CFAP70: variants seen among roughly 807,000 people sequenced by gnomAD.
CFAP70 encodes the protein cilia and flagella associated protein 70, also known as cilia- and flagella-associated protein 70.
A neutral mutation model predicts 137.6 loss-of-function variants in CFAP70; 81 were observed. That is an observed-to-expected ratio of 0.59 (90% CI 0.49 to 0.71). The LOEUF is 0.71. Among genes scored for constraint, CFAP70 ranks in the 30% least tolerant of loss-of-function variants. The pLI, the probability that CFAP70 is intolerant of heterozygous loss-of-function variation, is 0.00. For synonymous variants in CFAP70, 382 were observed against 423.6 expected (o/e 0.90, Z 1.20); for missense variants, 976 against 1,226.7 (o/e 0.80, Z 3.05).
At chr10:73,311,480 T>C (rs2049919329) in intron 11 of CFAP70, among the ~76,000 whole-genome samples, 1 of 152,232 alleles carries the variant, frequency 6.6e-6, no homozygotes, top group Non-Finnish European at 1.5e-5. Flanking sequence ...TTATATACTA[T>C]GATTAGTTAT....
At chr10:73,291,311 C>T in exon 19 of CFAP70, 1 of 1,614,218 alleles carries the variant, frequency 6.2e-7, no homozygotes, top group Non-Finnish European at 8.5e-7. Context: ...TCCCTCTTTC[C>T]TCAGTGTCTT....
intron 1 of CFAP70, among the ~76,000 whole-genome samples, chr10:73,355,610 T>C (rs1334301853): frequency 1.3e-5 from 2 of 152,146 alleles, no homozygotes; most frequent in Non-Finnish European, 2.9e-5. Context: ...ACCCCATCTC[T>C]ACTAAAAAAT....
chr10:73,339,373 A>G (rs1380563159), intron 6 of CFAP70, among the ~76,000 whole-genome samples: 1 of 152,184 alleles, frequency 6.6e-6, no homozygotes, highest in African/African-American at 2.4e-5. Flanking sequence ...TACATAAGAA[A>G]GTATCTAGAA....
In CFAP70 at chr10:73,325,647, C is replaced by A. The variant is rs559899136; in HGVS notation, c.778-2550G>T. Among the ~76,000 whole-genome samples, 23 of 152,028 alleles carry A rather than the reference C, an allele frequency of 1.5e-4. No homozygotes were observed. In the East Asian group the frequency reaches 3.9e-3, roughly 26 times the overall value. On this transcript the variant is annotated intron_variant, in intron 8 of 26. Coordinates refer to ENST00000310715, the Ensembl canonical transcript of CFAP70. ...AAATAAAAGGATGGAGGAAGATCTA[C>A]CAAGCAAATGGAAAACAAAAAAAGG...
intron 8 of CFAP70, 97 bp downstream of exon 9, chr10:73,331,080 G>A (rs2132300393): frequency 1.2e-6 from 1 of 823,532 alleles, no homozygotes; most frequent in East Asian, 2.8e-5. Flanking sequence ...GAACAGCTAT[G>A]TTCACATTTT....
chr10:73,316,711 C>A (rs2050417443), intron 9 of CFAP70, among the ~76,000 whole-genome samples: 1 of 151,588 alleles, frequency 6.6e-6, no homozygotes, highest in Non-Finnish European at 1.5e-5. Context: ...TGCTATAGCT[C>A]CATTCTATCC....
intron 3 of CFAP70, among the ~76,000 whole-genome samples, chr10:73,352,531 C>T (rs913701169): frequency 7.9e-5 from 12 of 152,258 alleles, no homozygotes; most frequent in Admixed American, 3.9e-4. Flanking sequence ...CCTTCTTCAG[C>T]AAGAAGTATG....
intron 9 of CFAP70, among the ~76,000 whole-genome samples, 163 bp from the exon 11 acceptor site, chr10:73,312,806 G>A (rs2050027878): frequency 6.6e-6 from 1 of 152,106 alleles, no homozygotes; most frequent in South Asian, 2.1e-4. Context: ...CCTCCTTCTA[G>A]AACAGGTAAA....
exon 26 of CFAP70, chr10:73,256,385 T>C: frequency 6.2e-7 from 1 of 1,614,174 alleles, no homozygotes; most frequent in Non-Finnish European, 8.5e-7. Flanking sequence ...CATGTACTTG[T>C]AGGCCTGCTC....
At chr10:73,336,649 TC>T (rs2052700515) in intron 6 of CFAP70, among the ~76,000 whole-genome samples, 1 of 148,978 alleles carries the variant, frequency 6.7e-6, no homozygotes, top group Non-Finnish European at 1.5e-5. Flanking sequence ...AGTGGCGCGA[TC>T]TCGGCTCACT....
chr10:73,308,007 A>G (rs2049540068), intron 12 of CFAP70, among the ~76,000 whole-genome samples: 1 of 145,894 alleles, frequency 6.9e-6, no homozygotes, highest in African/African-American at 2.6e-5. Context: ...AAAAAAAAAA[A>G]TGCTGGGTGC....
intron 19 of CFAP70, among the ~76,000 whole-genome samples, chr10:73,282,367 T>TCA (rs2047319446): frequency 6.6e-6 from 1 of 151,086 alleles, no homozygotes; most frequent in Non-Finnish European, 1.5e-5. Context: ...AACATGAATG[T>TCA]CACACACACA....
At chr10:73,312,074 C>T (rs1240491188) in intron 10 of CFAP70, among the ~76,000 whole-genome samples, 160 bp from the exon 12 acceptor site, 6 of 152,158 alleles carry the variant, frequency 3.9e-5, no homozygotes, top group Admixed American at 6.5e-5. Context: ...TGGAAACCAT[C>T]ATTCTCAGCA....
chr10:73,286,371 G>A (rs1378839735), intron 19 of CFAP70, among the ~76,000 whole-genome samples: 1 of 152,096 alleles, frequency 6.6e-6, no homozygotes, highest in Non-Finnish European at 1.5e-5. Flanking sequence ...GTGAACCCGG[G>A]AGGCGGAGCT....
At chr10:73,286,133 AC>A (rs767052112) in intron 19 of CFAP70, among the ~76,000 whole-genome samples, 21 of 152,254 alleles carry the variant, frequency 1.4e-4, no homozygotes, top group Non-Finnish European at 2.8e-4. Flanking sequence ...ATAGGCCTTC[AC>A]AGGAATTATA....
At chr10:73,350,675 C>T (rs555732140) in intron 3 of CFAP70, among the ~76,000 whole-genome samples, 12 of 152,142 alleles carry the variant, frequency 7.9e-5, no homozygotes, top group Middle Eastern at 6.8e-3. Context: ...CTTCCTCTCT[C>T]TGATTATTTT....
At chr10:73,361,869 A>G (rs941923228), upstream of CFAP70, among the ~76,000 whole-genome samples, 1 of 151,672 alleles carries the variant, frequency 6.6e-6, no homozygotes, top group Non-Finnish European at 1.5e-5. Flanking sequence ...TTTTTCTTTC[A>G]GAAATTAACA....
At chr10:73,265,554 A>G (rs2045676797) in intron 25 of CFAP70, among the ~76,000 whole-genome samples, 2 of 152,180 alleles carry the variant, frequency 1.3e-5, no homozygotes, top group South Asian at 4.1e-4. Flanking sequence ...CCCATGTTTA[A>G]TAAATGAACT....
At chr10:73,320,851 A>G (rs10465979) in intron 9 of CFAP70, among the ~76,000 whole-genome samples, 15,997 of 151,582 alleles carry the variant, frequency 0.11, 1,220 homozygotes, top group East Asian at 0.3. Flanking sequence ...ATTTTTAGTA[A>G]AGACAGGGTT....
Sources: gnomAD v4.1 joint callset for allele counts (sites outside exome capture counted in the v4.1 genomes callset) on GRCh38, gnomAD v4.1.1 for gene constraint, MANE v1.5 for transcripts, NCBI Gene and HGNC (gene_info 2026-07-23, HGNC 2026-07-21) for gene names.